The following MANBAL variants were observed in gnomAD, a reference collection of about 807,000 sequenced individuals.
MANBAL encodes the protein protein MANBAL.
Under a neutral mutation model 6.4 loss-of-function variants are expected in MANBAL, and 1 was observed. The ratio of observed to expected loss-of-function variants is 0.16; its 90% confidence interval spans 0.06 to 0.74. MANBAL has a LOEUF of 0.74. Ranked by LOEUF, MANBAL falls within the 30% of genes least tolerant of loss-of-function variation. The probability of loss-of-function intolerance (pLI) is 0.78; values close to 1 mark genes in which losing one functional copy is unlikely to be tolerated. For synonymous variants in MANBAL, 47 were observed against 45.8 expected, an observed-to-expected ratio of 1.03 and a Z score of -0.10; for missense variants, 100 against 107.8, an observed-to-expected ratio of 0.93 and a Z score of 0.32.
At chr20:37,292,024 G>A (rs772082120) in intron 1 of MANBAL, among the ~76,000 whole-genome samples, 1 of 152,174 alleles carries the variant, frequency 6.6e-6, no homozygotes, top group African/African-American at 2.4e-5. Context: ...ACATACTATC[G>A]ATATGAGTTA....
Position 37,301,268 on chromosome 20 carries a change from C to A in MANBAL, c.5C>A (p.Ala2Asp). 6.3e-7 allele frequency: 1 copy of A among 1,598,534 alleles called. No homozygotes were observed. Among genetic ancestry groups the A allele is most frequent in the Non-Finnish European group, 8.5e-7 (1 of 1,170,182 alleles). ...AGGCAGCAAGCGACTTGGGCCATGG[C>A]CTCTGACCTAGACTTCTCACCTCCG... Reference protein sequence around the residue: MASDLDFSPPEV... With the variant: MDSDLDFSPPEV... Residue 2 changes from alanine (A) to aspartate (D), a missense_variant, in exon 2 of 3, where the codon GCC (alanine) becomes GAC (aspartate). By Grantham distance (126) the Ala-to-Asp change is moderately radical (BLOSUM62 -2). Coordinates refer to ENST00000373606, the MANE Select transcript of MANBAL (RefSeq NM_001003897.2).
intron 1 of MANBAL, among the ~76,000 whole-genome samples, chr20:37,297,834 G>A (rs868769489): frequency 2.0e-5 from 3 of 151,940 alleles, no homozygotes; most frequent in Admixed American, 6.6e-5. Context: ...TATTAGAGAC[G>A]GGGTTTCTCC....
chr20:37,301,277 TA>T lies in MANBAL; in HGVS notation c.15del (p.Asp6ThrfsTer57). The T allele has an allele frequency of 6.2e-7, 1 of 1,608,032 alleles. No individual in the cohort carries two copies. The highest frequency in any genetic ancestry group is 8.5e-7 in the Non-Finnish European group (1 of 1,175,962). On this transcript the variant is annotated frameshift_variant, in exon 2 of 3. Transcript: ENST00000373606. LOFTEE classifies it high-confidence loss of function. ...GCGACTTGGGCCATGGCCTCTGACC[TA>T]GACTTCTCACCTCCGGAGGTGCCCG... The part of the protein sequence containing the change: MASD[L>X]DFSPPEVPEP...
intron 2 of MANBAL, among the ~76,000 whole-genome samples, chr20:37,306,184 A>G (rs1012796473): frequency 1.3e-5 from 2 of 152,216 alleles, no homozygotes; most frequent in Non-Finnish European, 2.9e-5. Context: ...CGTTTTGCTC[A>G]GGGCAAAATC....
At chr20:37,294,282 T>C (rs973706081) in intron 1 of MANBAL, among the ~76,000 whole-genome samples, 2 of 152,208 alleles carry the variant, frequency 1.3e-5, no homozygotes, top group African/African-American at 4.8e-5. Context: ...TTCACCAAAA[T>C]ATATCTGTAA....
chr20:37,303,339 A>G (rs935338453), intron 2 of MANBAL, among the ~76,000 whole-genome samples: 1 of 152,264 alleles, frequency 6.6e-6, no homozygotes, highest in Non-Finnish European at 1.5e-5. Flanking sequence ...TTTCAGTGCT[A>G]CTGAGCTGTG....
At position 37,312,455 on chromosome 20, in the gene MANBAL, G is replaced by T. The variant is rs1431157106; in HGVS notation, c.151-3853G>T. Among the ~76,000 whole-genome samples, 3 of 152,272 alleles carry T rather than the reference G, an allele frequency of 2.0e-5. No individual in the cohort carries two copies. The East Asian group carries it at 5.8e-4, about 29-fold the overall frequency. ...GGCTGGACCGTGTACCCATGAAGAG[G>T]TTAGTTTCAAATCTTGGGTCTGCTA... On this transcript the variant is annotated intron_variant, in intron 2 of 2. Transcript: ENST00000373606.
At chr20:37,306,829 A>G (rs2146817492) in intron 2 of MANBAL, among the ~76,000 whole-genome samples, 1 of 152,332 alleles carries the variant, frequency 6.6e-6, no homozygotes, top group Admixed American at 6.5e-5. Flanking sequence ...TTAGAGAATG[A>G]CAGTGCCGGT....
rs370286547 is a variant in MANBAL at position 37,305,185 on chromosome 20, C to T, written c.150+3772C>T. On this transcript the variant is annotated intron_variant, in intron 2 of 2. Coordinates refer to ENST00000373606, the MANE Select transcript of MANBAL (RefSeq NM_001003897.2). ...AACATCACCTCTGTGCTCCTGGGCTCTGTCCCTGCAGACGTGGCATGCTAT... is the reference window on the plus strand; with the variant it reads ...AACATCACCTCTGTGCTCCTGGGCTTTGTCCCTGCAGACGTGGCATGCTAT... 1.1e-4 allele frequency among the ~76,000 whole-genome samples: 17 copies of T among 152,366 alleles called. No homozygotes were observed. In the East Asian group the frequency reaches 1.7e-3, roughly 16 times the overall value.
At chr20:37,292,153 T>G (rs1173877961) in intron 1 of MANBAL, among the ~76,000 whole-genome samples, 1 of 152,232 alleles carries the variant, frequency 6.6e-6, no homozygotes, top group East Asian at 1.9e-4. Context: ...AAAGTCATTA[T>G]GTACAGCACA....
Position 37,293,740 on chromosome 20 carries a change from C to T in MANBAL, c.-57+4054C>T, listed in dbSNP as rs191180573. 1.8e-3 allele frequency among the ~76,000 whole-genome samples: 272 copies of T among 152,306 alleles called. 1 individual carries two copies. Among genetic ancestry groups the T allele is most frequent in the African/African-American group, 6.3e-3 (261 of 41,552 alleles). On this transcript the variant is annotated intron_variant, in intron 1 of 2. Coordinates refer to ENST00000373606, the MANE Select transcript of MANBAL (RefSeq NM_001003897.2). The stretch of plus-strand genomic sequence containing the variant: ...GTATGGTGGTTTTAGAATTGCTCCC[C>T]CGATCCCCTGTGGGAAACAACTTAT...
intron 1 of MANBAL, among the ~76,000 whole-genome samples, chr20:37,295,526 A>G (rs1045529174): frequency 3.3e-5 from 5 of 152,118 alleles, no homozygotes; most frequent in African/African-American, 1.2e-4. Context: ...CAGCCCCCTA[A>G]ATGGTTTTCC....
rs1467249664 is a variant in MANBAL, at chr20:37,316,967, C to T, written c.*552C>T. 1 of 152,590 alleles carries T rather than the reference C, an allele frequency of 6.6e-6. No individual in the cohort carries two copies. Among genetic ancestry groups the T allele is most frequent in the Non-Finnish European group, 1.5e-5 (1 of 68,090 alleles). 9.5% of individuals were successfully genotyped at this position (152,590 alleles called of 1,614,324 possible). ...ACAGCCAGGCCCAGAAAATGCCTGGCGTGAGAGCCAGCAGACAGCCAGGCC... is the reference window on the plus strand; with the variant it reads ...ACAGCCAGGCCCAGAAAATGCCTGGTGTGAGAGCCAGCAGACAGCCAGGCC... On this transcript the variant is annotated 3_prime_UTR_variant, in exon 3 of 3. Transcript: ENST00000373606.
intron 2 of MANBAL, among the ~76,000 whole-genome samples, chr20:37,309,921 T>C (rs2069342962): frequency 6.6e-6 from 1 of 152,074 alleles, no homozygotes; most frequent in South Asian, 2.1e-4. Context: ...GAGGTTGCAG[T>C]TGAATTGAGA....
At chr20:37,303,124 T>C (rs1052510162) in intron 2 of MANBAL, among the ~76,000 whole-genome samples, 1 of 152,250 alleles carries the variant, frequency 6.6e-6, no homozygotes, top group East Asian at 1.9e-4. Context: ...TTGCCCAGGC[T>C]GGTCACAAAC....
At chr20:37,303,200 T>C (rs1205961417) in intron 2 of MANBAL, among the ~76,000 whole-genome samples, 1 of 152,216 alleles carries the variant, frequency 6.6e-6, no homozygotes, top group African/African-American at 2.4e-5. Context: ...CATGAGCCAC[T>C]GCGCCTGGCC....
intron 2 of MANBAL, 70 bp downstream of exon 2, chr20:37,301,483 C>A: frequency 6.6e-7 from 1 of 1,508,034 alleles, no homozygotes; most frequent in Non-Finnish European, 9.0e-7. Context: ...ACAGTAGGTG[C>A]CACCACAACT....
chr20:37,314,508 G>A (rs1480925120), intron 2 of MANBAL, among the ~76,000 whole-genome samples: 1 of 152,206 alleles, frequency 6.6e-6, no homozygotes, highest in Non-Finnish European at 1.5e-5. Context: ...AGCTCAGAAG[G>A]CAGACTCCTT....
intron 2 of MANBAL, among the ~76,000 whole-genome samples, chr20:37,307,283 A>G (rs1448611800): frequency 6.6e-6 from 1 of 152,134 alleles, no homozygotes; most frequent in East Asian, 1.9e-4. Context: ...GTATTTTTTT[A>G]AAGTGTCCAG....
Sources: gnomAD v4.1 joint callset for allele counts (sites outside exome capture counted in the v4.1 genomes callset) on GRCh38, gnomAD v4.1.1 for gene constraint, MANE v1.5 for transcripts, NCBI Gene and HGNC (gene_info 2026-07-23, HGNC 2026-07-21) for gene names.